Variants in SSH2 observed in about 807,000 individuals in gnomAD.
The protein encoded by SSH2 is protein phosphatase Slingshot homolog 2.
Under a neutral mutation model 135.2 loss-of-function variants are expected in SSH2, and 37 were observed. The observed-to-expected ratio is 0.27, with a 90% CI of 0.21 to 0.36. SSH2 has a LOEUF of 0.36. Ranked by LOEUF, SSH2 falls within the 10% of genes least tolerant of loss-of-function variation. SSH2 has a pLI of 1.00. For synonymous variants in SSH2, 628 were observed against 646.2 expected (o/e 0.97, Z 0.43); for missense variants, 1,408 against 1,765.3 (o/e 0.80, Z 3.63).
intron 14 of SSH2, among the ~76,000 whole-genome samples, chr17:29,642,443 G>C (rs911577395): frequency 5.9e-5 from 9 of 151,944 alleles, no homozygotes; most frequent in Non-Finnish European, 1.2e-4. Context: ...TGGTCTGCTT[G>C]AAATCTAAAC....
At chr17:29,909,328 T>C (rs941164788) in intron 1 of SSH2, among the ~76,000 whole-genome samples, 27 of 152,012 alleles carry the variant, frequency 1.8e-4, no homozygotes, top group African/African-American at 6.0e-4. Flanking sequence ...TGTATAGCTA[T>C]AAAAATGCCA....
At chr17:29,739,797 T>A (rs1272156519) in intron 3 of SSH2, among the ~76,000 whole-genome samples, 1 of 152,218 alleles carries the variant, frequency 6.6e-6, no homozygotes, top group Admixed American at 6.5e-5. Context: ...TTGGTTTTTT[T>A]ATTTGATATC....
intron 1 of SSH2, among the ~76,000 whole-genome samples, chr17:29,858,172 C>T (rs1250487228): frequency 6.6e-6 from 1 of 152,178 alleles, no homozygotes; most frequent in Non-Finnish European, 1.5e-5. Flanking sequence ...TATTTCATTG[C>T]AGAGATATCC....
At chr17:29,861,180 G>C (rs2065758727) in intron 1 of SSH2, among the ~76,000 whole-genome samples, 1 of 152,072 alleles carries the variant, frequency 6.6e-6, no homozygotes, top group Admixed American at 6.6e-5. Flanking sequence ...CAGGTTGTCT[G>C]TTCACTCTGT....
At chr17:29,907,695 A>C (rs907946994) in intron 1 of SSH2, among the ~76,000 whole-genome samples, 6 of 152,250 alleles carry the variant, frequency 3.9e-5, no homozygotes, top group African/African-American at 1.4e-4. Context: ...TCCAGAGCCA[A>C]ACTGGCTATT....
intron 3 of SSH2, among the ~76,000 whole-genome samples, chr17:29,791,052 T>G (rs1053376498): frequency 2.6e-5 from 4 of 151,826 alleles, no homozygotes; most frequent in Non-Finnish European, 5.9e-5. Context: ...TATGACTTTG[T>G]CAATAAATGG....
At chr17:29,909,841 T>TGATA (rs1236968968) in intron 1 of SSH2, among the ~76,000 whole-genome samples, 1 of 152,202 alleles carries the variant, frequency 6.6e-6, no homozygotes, top group East Asian at 1.9e-4. Flanking sequence ...TAGCAACAAG[T>TGATA]GATAAGGTAC....
At position 29,629,836 on chromosome 17, in the gene SSH2, A is replaced by T. The variant is rs1450092035; in HGVS notation, c.*1005T>A. On this transcript the variant is annotated 3_prime_UTR_variant, in exon 16 of 16. Coordinates refer to ENST00000540801, the MANE Select transcript of SSH2 (RefSeq NM_001282129.2). ...AAATAGGCAGCATGGGGACAACAGC[A>T]TGGGGAAGGAAAATAAACTGGAAGA... is the stretch of plus-strand genomic sequence containing the variant. 6.6e-6 allele frequency: 1 copy of T among 152,660 alleles called. No homozygotes were observed. Among genetic ancestry groups the T allele is most frequent in the East Asian group, 1.9e-4 (1 of 5,206 alleles). 9.5% of individuals were successfully genotyped at this position (152,660 alleles called of 1,614,324 possible). A position where few individuals can be genotyped will look rare whatever the true frequency, so the allele number is the denominator to read the frequency against.
At chr17:29,848,274 G>C (rs577587165) in intron 2 of SSH2, among the ~76,000 whole-genome samples, 21 of 152,326 alleles carry the variant, frequency 1.4e-4, no homozygotes, top group Non-Finnish European at 2.2e-4. Flanking sequence ...TTGTGGGTAA[G>C]TAAGCAGGAG....
chr17:29,728,005 ACC>A (rs1483382767), intron 3 of SSH2, among the ~76,000 whole-genome samples: 1 of 152,102 alleles, frequency 6.6e-6, no homozygotes, highest in Non-Finnish European at 1.5e-5. Context: ...ACATGGCGAA[ACC>A]CCTTCTCTAC....
chr17:29,627,324 C>T lies in SSH2; in HGVS notation c.*3517G>A, dbSNP rs2035528758. 1 of 152,596 alleles carries T rather than the reference C, an allele frequency of 6.6e-6. No homozygotes were observed. The allele number at this position is 152,596 out of a possible 1,614,324, so 9.5% of individuals were successfully genotyped here. On this transcript the variant is annotated 3_prime_UTR_variant, in exon 16 of 16. Coordinates refer to ENST00000540801, the MANE Select transcript of SSH2 (RefSeq NM_001282129.2). Reference sequence around the variant, plus strand: ...ACAAAAACATTTTTACCAAACATGCCTAGATCACTTCAGAACTGAAATCCT... The same window carrying T: ...ACAAAAACATTTTTACCAAACATGCTTAGATCACTTCAGAACTGAAATCCT...
chr17:29,751,467 T>C (rs953384004), intron 3 of SSH2, among the ~76,000 whole-genome samples: 1 of 152,114 alleles, frequency 6.6e-6, no homozygotes, highest in Non-Finnish European at 1.5e-5. Context: ...ACAATACTGA[T>C]AAAATGTTCA....
Position 29,875,983 on chromosome 17 carries a change from C to CAA in SSH2, c.64-27056_64-27055dup, listed in dbSNP as rs547629204. The stretch of plus-strand genomic sequence containing the variant: ...TGATGAAAAAAATTGAAGAGGACAC[C>CAA]AAAAAAAAAAAAAAAAAAGGAAAGA... On this transcript the variant is annotated intron_variant, in intron 1 of 15. Coordinates refer to ENST00000540801, the MANE Select transcript of SSH2 (RefSeq NM_001282129.2). Among the ~76,000 whole-genome samples the CAA allele has an allele frequency of 2.4e-3, 171 of 71,724 alleles. 2 individuals are homozygous for CAA. The highest frequency in any genetic ancestry group is 0.013 in the Middle Eastern group (1 of 80). 47.1% of individuals were successfully genotyped at this position (71,724 alleles called of 152,430 possible).
intron 3 of SSH2, among the ~76,000 whole-genome samples, chr17:29,707,810 G>A (rs2039268650): frequency 6.6e-6 from 1 of 152,054 alleles, no homozygotes; most frequent in East Asian, 1.9e-4. Flanking sequence ...ACAGGTGTAA[G>A]CCACCATGCC....
intron 3 of SSH2, among the ~76,000 whole-genome samples, chr17:29,778,742 G>C (rs2628173): frequency 0.44 from 65,696 of 148,490 alleles, 14,846 homozygotes; most frequent in Non-Finnish European, 0.48. Context: ...GCTGAGGCAG[G>C]AGAATTGCTT....
chr17:29,817,550 T>A (rs1443503633), intron 2 of SSH2, among the ~76,000 whole-genome samples: 1 of 152,174 alleles, frequency 6.6e-6, no homozygotes, highest in Non-Finnish European at 1.5e-5. Context: ...TCAAGCTAAA[T>A]AACTACAGGA....
chr17:29,678,185 C>CA, intron 6 of SSH2, among the ~76,000 whole-genome samples: 1 of 152,018 alleles, frequency 6.6e-6, no homozygotes, highest in South Asian at 2.1e-4. Context: ...CCTCTGCCTC[C>CA]CAGGTTCAAG....
chr17:29,845,127 A>C (rs1253759535), intron 2 of SSH2, among the ~76,000 whole-genome samples: 1 of 152,262 alleles, frequency 6.6e-6, no homozygotes, highest in Non-Finnish European at 1.5e-5. Flanking sequence ...ACCAAAGTTC[A>C]TACTTCTGTT....
At chr17:29,731,939 C>A (rs922502891) in intron 3 of SSH2, among the ~76,000 whole-genome samples, 3 of 152,110 alleles carry the variant, frequency 2.0e-5, no homozygotes, top group African/African-American at 7.2e-5. Context: ...ACCCCACAAC[C>A]CCAGTGCTGG....
Sources: gnomAD v4.1 joint callset for allele counts (sites outside exome capture counted in the v4.1 genomes callset) on GRCh38, gnomAD v4.1.1 for gene constraint, MANE v1.5 for transcripts, NCBI Gene and HGNC (gene_info 2026-07-23, HGNC 2026-07-21) for gene names.